The following LMAN1 variants were observed in gnomAD, a reference collection of about 807,000 sequenced individuals.
LMAN1 encodes protein ERGIC-53.
Under a neutral mutation model 67.8 loss-of-function variants are expected in LMAN1, and 32 were observed. The ratio of observed to expected loss-of-function variants is 0.47; its 90% CI spans 0.36 to 0.63. LMAN1 has a LOEUF of 0.63. Among genes scored for constraint, LMAN1 ranks in the 30% least tolerant of loss-of-function variants. LMAN1 has a pLI of 0.00. For synonymous variants in LMAN1, 235 were observed against 219.3 expected, an observed-to-expected ratio of 1.07 and a Z score of -0.63; for missense variants, 632 against 628.2, an observed-to-expected ratio of 1.01 and a Z score of -0.06.
In LMAN1 at chr18:59,338,861, G is replaced by A. The variant is rs746732718; in HGVS notation, c.1048C>T (p.Arg350Trp). 9.5e-5 allele frequency: 153 copies of A among 1,613,546 alleles called. No homozygotes were observed. Among genetic ancestry groups the A allele is most frequent in the South Asian group, 4.1e-4 (37 of 91,056 alleles). ...TCATCAAGAATCATATCTAACTGCCGGTTCAGCTGCTTGATTTCAAGATGA... is the reference window on the plus strand; with the variant it reads ...TCATCAAGAATCATATCTAACTGCCAGTTCAGCTGCTTGATTTCAAGATGA... ...RIHLEIKQLN[R>W]QLDMILDEQR... is the part of the protein sequence containing the mutation. The change falls in exon 9 of 13, where the codon CGG becomes TGG. Residue 350 changes from arginine to tryptophan, a missense_variant. Transcript: ENST00000251047.
At chr18:59,349,894 C>T (rs1402508237) in intron 5 of LMAN1, among the ~76,000 whole-genome samples, 2 of 152,192 alleles carry the variant, frequency 1.3e-5, no homozygotes, top group Non-Finnish European at 2.9e-5. Flanking sequence ...CTCATTATCC[C>T]AGTCAAGCAG....
chr18:59,346,857 A>T (rs554323507), intron 7 of LMAN1, among the ~76,000 whole-genome samples: 16 of 152,166 alleles, frequency 1.1e-4, no homozygotes, highest in African/African-American at 3.9e-4. Context: ...CCATTTACTG[A>T]GCACTTGCTA....
chr18:59,356,379 T>C (rs941699885), intron 1 of LMAN1, among the ~76,000 whole-genome samples: 40 of 152,294 alleles, frequency 2.6e-4, no homozygotes, highest in African/African-American at 9.6e-4. Flanking sequence ...TTACTCCATT[T>C]CTTGAACAGC....
Position 59,346,012 on chromosome 18 carries a change from T to C in LMAN1, c.862A>G (p.Lys288Glu). 6.2e-7 allele frequency: 1 copy of C among 1,613,476 alleles called. No individual in the cohort carries two copies. The highest frequency in any genetic ancestry group is 2.2e-5 in the East Asian group (1 of 44,888). The change falls in exon 8 of 13, where the codon AAG becomes GAG. Residue 288 changes from lysine (K) to glutamate (E), a missense_variant. Physicochemically the swap from Lys to Glu is moderately conservative, Grantham distance 56. Transcript: ENST00000251047. ...DKEISEKEKE[K>E]YQEEFEHFQQ... Reference sequence around the variant, plus strand: ...AAGTGCTCAAATTCCTCCTGATACTTTTCTTTTTCCTTTTCCGAAATTTCT... The same window carrying C: ...AAGTGCTCAAATTCCTCCTGATACTCTTCTTTTTCCTTTTCCGAAATTTCT...
chr18:59,355,782 AT>A (rs920285741), intron 1 of LMAN1, 124 bp from the exon 2 acceptor site: 84 of 1,094,368 alleles, frequency 7.7e-5, no homozygotes, highest in Non-Finnish European at 8.0e-6. Flanking sequence ...TTTGGAAAAA[AT>A]TTCATGTTGA....
rs570754639 is a variant in LMAN1, at chr18:59,358,445, G to C, written c.214+586C>G. ...AAAATGTGTAGTTCCAACAGTATAA[G>C]AATGTCTTCTGACATACAAAGACTT... On this transcript the variant is annotated intron_variant, in intron 1 of 12. Coordinates refer to ENST00000251047, the MANE Select transcript of LMAN1 (RefSeq NM_005570.4). 4.6e-5 allele frequency among the ~76,000 whole-genome samples: 7 copies of C among 152,154 alleles called. No homozygotes were observed. The East Asian group carries it at 9.6e-4, about 21-fold the overall frequency.
intron 8 of LMAN1, among the ~76,000 whole-genome samples, chr18:59,340,386 A>C (rs1908260757): frequency 1.3e-5 from 2 of 152,170 alleles, no homozygotes; most frequent in African/African-American, 4.8e-5. Flanking sequence ...AATTAGCAAG[A>C]GAGAAGTATT....
At chr18:59,350,171 T>C (rs1483797581) in intron 5 of LMAN1, among the ~76,000 whole-genome samples, 1 of 152,252 alleles carries the variant, frequency 6.6e-6, no homozygotes, top group Non-Finnish European at 1.5e-5. Flanking sequence ...TACTGTAGAA[T>C]GGAAACATGT....
intron 8 of LMAN1, among the ~76,000 whole-genome samples, chr18:59,342,403 G>C (rs552010964): frequency 1.3e-5 from 2 of 152,136 alleles, no homozygotes; most frequent in South Asian, 4.1e-4. Context: ...GATGAACAAA[G>C]ATGCAAAAAT....
intron 4 of LMAN1, among the ~76,000 whole-genome samples, chr18:59,353,789 T>A (rs1416341440): frequency 6.6e-6 from 1 of 152,210 alleles, no homozygotes; most frequent in Non-Finnish European, 1.5e-5. Flanking sequence ...GGACATTGGT[T>A]CCAGGACCCC....
intron 1 of LMAN1, among the ~76,000 whole-genome samples, chr18:59,357,391 G>A (rs1908683610): frequency 6.6e-6 from 1 of 152,168 alleles, no homozygotes; most frequent in Non-Finnish European, 1.5e-5. Flanking sequence ...AGGGATAGAA[G>A]AACAGGCAGG....
rs1404547556 is a variant in LMAN1 at position 59,328,334 on chromosome 18, C to T, written c.*2759G>A. 6.6e-6 allele frequency: 1 copy of T among 152,100 alleles called. No individual in the cohort carries two copies. Among genetic ancestry groups the T allele is most frequent in the East Asian group, 1.9e-4 (1 of 5,184 alleles). 9.4% of individuals were successfully genotyped at this position (152,100 alleles called of 1,614,324 possible). A position where few individuals can be genotyped will look rare whatever the true frequency, so the allele number is the denominator to read the frequency against. The stretch of plus-strand genomic sequence containing the variant: ...GGCTTGAAGATGGGAGTTTTCATGG[C>T]TTGACCATGAATGATCTCAAGATGA... On this transcript the variant is annotated 3_prime_UTR_variant, in exon 13 of 13. Transcript: ENST00000251047.
chr18:59,340,361 G>A (rs958624750), intron 8 of LMAN1, among the ~76,000 whole-genome samples: 1 of 152,148 alleles, frequency 6.6e-6, no homozygotes, highest in Non-Finnish European at 1.5e-5. Flanking sequence ...TAAAGTCAAT[G>A]TGAAATAATT....
intron 1 of LMAN1, among the ~76,000 whole-genome samples, chr18:59,357,593 T>G (rs994075518): frequency 2.0e-5 from 3 of 152,218 alleles, no homozygotes; most frequent in Non-Finnish European, 2.9e-5. Context: ...GGGCACATAA[T>G]AAATGACTGC....
intron 8 of LMAN1, among the ~76,000 whole-genome samples, chr18:59,341,158 A>G (rs910541023): frequency 5.9e-5 from 9 of 152,208 alleles, no homozygotes; most frequent in African/African-American, 1.9e-4. Flanking sequence ...CCAAGAGGAT[A>G]TAACAATCCT....
At chr18:59,355,739 C>T (rs1908647725) in intron 1 of LMAN1, 81 bp from the exon 2 acceptor site, 1 of 1,433,086 alleles carries the variant, frequency 7.0e-7, no homozygotes, top group Admixed American at 1.7e-5. Flanking sequence ...GCTAAATATA[C>T]CTACAGAGAC....
chr18:59,338,754 G>A lies in LMAN1; in HGVS notation c.1149+6C>T, dbSNP rs1425176505. 6.2e-7 allele frequency: 1 copy of A among 1,613,826 alleles called. No homozygotes were observed. Among genetic ancestry groups the A allele is most frequent in the East Asian group, 2.2e-5 (1 of 44,882 alleles). On this transcript the variant is annotated splice_donor_region_variant and intron_variant, in intron 9 of 12. Transcript: ENST00000251047. Reference sequence around the variant, plus strand: ...TGGGGCACATCTGCATATTCTGCAAGCCCACCTGCCCATGCTGCCCAGGCA... The same window carrying A: ...TGGGGCACATCTGCATATTCTGCAAACCCACCTGCCCATGCTGCCCAGGCA...
chr18:59,357,337 C>T (rs760984468), intron 1 of LMAN1, among the ~76,000 whole-genome samples: 5 of 152,080 alleles, frequency 3.3e-5, no homozygotes, highest in Non-Finnish European at 5.9e-5. Context: ...ATTAACATTC[C>T]TAATTGGCTA....
chr18:59,354,794 C>T (rs1409798685), intron 3 of LMAN1, among the ~76,000 whole-genome samples: 2 of 152,188 alleles, frequency 1.3e-5, no homozygotes, highest in African/African-American at 4.8e-5. Context: ...ATGGGAAGAT[C>T]ATCAACCTTA....
Sources: allele counts gnomAD v4.1 joint callset (sites outside exome capture counted in the v4.1 genomes callset), GRCh38; gene constraint gnomAD v4.1.1; transcripts MANE v1.5; gene names NCBI Gene and HGNC (gene_info 2026-07-23, HGNC 2026-07-21).